Variants in CA10 observed in about 807,000 individuals in gnomAD.
CA10 encodes carbonic anhydrase 10 (inactive).
Under a neutral mutation model 44.2 loss-of-function variants are expected in CA10, and 14 were observed. That is an observed-to-expected ratio of 0.32 (90% CI 0.21 to 0.50). The LOEUF (loss-of-function observed/expected upper bound fraction) is 0.50, where lower values mean the gene tolerates loss of function less well. Ranked by LOEUF, CA10 falls within the 20% of genes least tolerant of loss-of-function variation. The pLI is 0.99. For missense variants in CA10, 350 were observed against 409.7 expected (o/e 0.85, Z 1.26); for synonymous variants, 159 against 141.6 (o/e 1.12, Z -0.87).
intron 3 of CA10, among the ~76,000 whole-genome samples, chr17:51,788,088 C>T (rs965186553): frequency 2.0e-5 from 3 of 152,068 alleles, no homozygotes; most frequent in Admixed American, 2.0e-4. Context: ...GATGCAGGCA[C>T]TTGGAGCCAT....
At chr17:51,881,612 G>C (rs939529978) in intron 3 of CA10, among the ~76,000 whole-genome samples, 8 of 151,934 alleles carry the variant, frequency 5.3e-5, no homozygotes, top group African/African-American at 1.9e-4. Context: ...AAAAAGAACG[G>C]GGATATGTAT....
chr17:51,753,223 T>C (rs1904954254), intron 3 of CA10, among the ~76,000 whole-genome samples: 1 of 152,202 alleles, frequency 6.6e-6, no homozygotes, highest in Admixed American at 6.5e-5. Flanking sequence ...GCTCCACAGA[T>C]GTGCCTGTCC....
chr17:51,979,359 G>A (rs1378710286), intron 2 of CA10, among the ~76,000 whole-genome samples: 1 of 151,908 alleles, frequency 6.6e-6, no homozygotes, highest in East Asian at 1.9e-4. Flanking sequence ...TATATTTAGG[G>A]GTACATGTGA....
At chr17:51,694,569 A>G (rs1021221851) in intron 4 of CA10, among the ~76,000 whole-genome samples, 18 of 150,774 alleles carry the variant, frequency 1.2e-4, no homozygotes, top group African/African-American at 4.4e-4. Context: ...TGTTGGATGC[A>G]TAGTTTGTGA....
chr17:51,941,715 C>T (rs977066037), intron 2 of CA10, among the ~76,000 whole-genome samples: 8 of 151,972 alleles, frequency 5.3e-5, no homozygotes, highest in African/African-American at 1.9e-4. Context: ...GAATTAAATG[C>T]CAGAAAAAAA....
chr17:51,660,547 C>T (rs1913965486), intron 4 of CA10, among the ~76,000 whole-genome samples: 1 of 152,192 alleles, frequency 6.6e-6, no homozygotes, highest in Admixed American at 6.5e-5. Flanking sequence ...CAAGGTGATG[C>T]ACTAGTGCAT....
intron 2 of CA10, among the ~76,000 whole-genome samples, chr17:52,020,744 A>T (rs1030346912): frequency 2.0e-5 from 3 of 151,902 alleles, no homozygotes; most frequent in African/African-American, 4.8e-5. Flanking sequence ...GGCATGATTG[A>T]TTCCATCACC....
intron 3 of CA10, among the ~76,000 whole-genome samples, chr17:51,929,397 C>G (rs1242014106): frequency 6.6e-6 from 1 of 152,128 alleles, no homozygotes; most frequent in Non-Finnish European, 1.5e-5. Context: ...ATTCAGCTCC[C>G]GAACACTGCC....
intron 2 of CA10, among the ~76,000 whole-genome samples, chr17:51,984,256 C>A (rs1294621278): frequency 6.6e-6 from 1 of 151,708 alleles, no homozygotes; most frequent in African/African-American, 2.4e-5. Context: ...TAACCTGCTC[C>A]TTTTGGGTCA....
chr17:52,012,313 TAAC>T (rs1985824558), intron 2 of CA10, among the ~76,000 whole-genome samples: 1 of 152,002 alleles, frequency 6.6e-6, no homozygotes, highest in East Asian at 1.9e-4. Flanking sequence ...CTGAGTCACT[TAAC>T]AATGGCCACA....
intron 1 of CA10, among the ~76,000 whole-genome samples, chr17:52,133,523 GA>G (rs375461928): frequency 2.8e-4 from 42 of 147,908 alleles, no homozygotes; most frequent in Admixed American, 6.0e-4. Context: ...GTGTTAACAA[GA>G]AAAAAAAAAC....
chr17:52,102,647 T>C (rs181432524), intron 1 of CA10, among the ~76,000 whole-genome samples: 1 of 152,318 alleles, frequency 6.6e-6, no homozygotes, highest in East Asian at 1.9e-4. Flanking sequence ...TTGCCTTGCT[T>C]CTGTGTTCAC....
intron 2 of CA10, among the ~76,000 whole-genome samples, chr17:52,036,116 T>C (rs116319169): frequency 0.011 from 1,608 of 152,314 alleles, 29 homozygotes; most frequent in African/African-American, 0.037. Context: ...AGGATGTTGA[T>C]GCTGCTGGGC....
Position 52,072,985 on chromosome 17 carries a change from A to C in CA10, c.62-592T>G, listed in dbSNP as rs561316088. ...AAATATCGTGGAGATCTGTAAGCTC[A>C]TGCTGACATGACCTCAGGGAAACCC... On this transcript the variant is annotated intron_variant, in intron 1 of 8. Transcript: ENST00000451037. Among the ~76,000 whole-genome samples the C allele has an allele frequency of 5.3e-4, 81 of 152,186 alleles. 1 individual carries two copies. In the Middle Eastern group the frequency reaches 0.037, roughly 70 times the overall value.
intron 5 of CA10, among the ~76,000 whole-genome samples, chr17:51,650,826 T>A (rs1476550465): frequency 6.6e-6 from 1 of 152,164 alleles, no homozygotes; most frequent in Non-Finnish European, 1.5e-5. Context: ...TTTGAGCTGA[T>A]TAAAAATAAT....
At chr17:51,803,354 C>T (rs1261490313) in intron 3 of CA10, among the ~76,000 whole-genome samples, 1 of 152,176 alleles carries the variant, frequency 6.6e-6, no homozygotes, top group Non-Finnish European at 1.5e-5. Flanking sequence ...GACTGGACAG[C>T]TCTGCCCACA....
chr17:51,797,959 T>C (rs2143710766), intron 3 of CA10, among the ~76,000 whole-genome samples: 1 of 150,200 alleles, frequency 6.7e-6, no homozygotes, highest in East Asian at 2.0e-4. Context: ...ACAGTTCAAA[T>C]ATCCACCCCT....
intron 3 of CA10, among the ~76,000 whole-genome samples, chr17:51,790,757 G>T (rs759579879): frequency 2.6e-5 from 4 of 152,156 alleles, no homozygotes; most frequent in Admixed American, 6.5e-5. Context: ...CAATTTTAAA[G>T]GTTCTACCAT....
intron 3 of CA10, among the ~76,000 whole-genome samples, chr17:51,784,548 A>C (rs1906186255): frequency 6.6e-6 from 1 of 152,182 alleles, no homozygotes; most frequent in Admixed American, 6.5e-5. Flanking sequence ...AATTACCATT[A>C]GACACTCAAC....
Sources: allele counts gnomAD v4.1 joint callset (sites outside exome capture counted in the v4.1 genomes callset), GRCh38; gene constraint gnomAD v4.1.1; transcripts MANE v1.5; gene names NCBI Gene and HGNC (gene_info 2026-07-23, HGNC 2026-07-21).